The following MPPED1 variants were observed in gnomAD, a reference collection of about 807,000 sequenced individuals.
MPPED1 encodes the protein metallophosphoesterase domain containing 1.
In MPPED1, 16 loss-of-function variants were observed where a neutral mutation model predicts 36.2. That is an observed-to-expected ratio of 0.44 (90% CI 0.30 to 0.67). MPPED1 has a LOEUF of 0.67. Among genes scored for constraint, MPPED1 ranks in the 30% least tolerant of loss-of-function variants. MPPED1 has a pLI of 0.10. For synonymous variants in MPPED1, 199 were observed against 191.3 expected (o/e 1.04, Z -0.33); for missense variants, 307 against 453.4 (o/e 0.68, Z 2.93).
At chr22:43,497,356 C>T (rs1932451677) in intron 4 of MPPED1, among the ~76,000 whole-genome samples, 1 of 151,928 alleles carries the variant, frequency 6.6e-6, no homozygotes, top group Admixed American at 6.6e-5. Flanking sequence ...TTGTGTTGGC[C>T]CGTATAATTG....
At chr22:43,478,383 T>C (rs1055459845) in intron 4 of MPPED1, among the ~76,000 whole-genome samples, 1 of 152,180 alleles carries the variant, frequency 6.6e-6, no homozygotes, top group South Asian at 2.1e-4. Flanking sequence ...GGGGACATGG[T>C]GTGGACAGAC....
intron 3 of MPPED1, among the ~76,000 whole-genome samples, chr22:43,440,834 G>A (rs918900915): frequency 9.2e-5 from 14 of 152,136 alleles, no homozygotes; most frequent in Admixed American, 2.6e-4. Context: ...TCAGCTCTGC[G>A]GCGCCTGATG....
intron 3 of MPPED1, among the ~76,000 whole-genome samples, chr22:43,461,962 A>G (rs1930971983): frequency 6.6e-6 from 1 of 152,200 alleles, no homozygotes; most frequent in South Asian, 2.1e-4. Context: ...TCAGGTGGCA[A>G]CAGTGATGTC....
chr22:43,491,061 C>T (rs1932066643), intron 4 of MPPED1, among the ~76,000 whole-genome samples: 1 of 152,188 alleles, frequency 6.6e-6, no homozygotes, highest in African/African-American at 2.4e-5. Flanking sequence ...TGAAGTATCC[C>T]TTTCCTGGCT....
At chr22:43,419,785 C>T (rs886849506) in intron 1 of MPPED1, among the ~76,000 whole-genome samples, 21 of 152,044 alleles carry the variant, frequency 1.4e-4, no homozygotes, top group African/African-American at 3.9e-4. Flanking sequence ...GTCCTGGAGT[C>T]GGACCTCTTT....
chr22:43,425,981 T>C (rs1260950902), intron 2 of MPPED1, among the ~76,000 whole-genome samples: 4 of 152,154 alleles, frequency 2.6e-5, no homozygotes, highest in African/African-American at 9.7e-5. Context: ...TGTGGGTAGC[T>C]TGGGGTGGCT....
rs917201012 is a variant in MPPED1, at chr22:43,412,136, G to A, written c.-101G>A. ...GCTGCTGCTCGCAGCCGCCGCGGCC[G>A]CCGAAGAGGAGCCCGGGGCCAGGTA... is the stretch of plus-strand genomic sequence containing the variant. On this transcript the variant is annotated 5_prime_UTR_variant, in exon 1 of 7. Transcript: ENST00000443721. 88 of 979,706 alleles carry A rather than the reference G, an allele frequency of 9.0e-5. No homozygotes were observed. Among genetic ancestry groups the A allele is most frequent in the Non-Finnish European group, 9.4e-5 (78 of 827,706 alleles). 60.7% of individuals were successfully genotyped at this position (979,706 alleles called of 1,614,324 possible). A position where few individuals can be genotyped will look rare whatever the true frequency, so the allele number is the denominator to read the frequency against.
At chr22:43,436,346 G>A (rs1929960162) in intron 3 of MPPED1, among the ~76,000 whole-genome samples, 3 of 152,222 alleles carry the variant, frequency 2.0e-5, no homozygotes, top group African/African-American at 4.8e-5. Context: ...CCCCAGGGGC[G>A]TCCCGCTGTG....
At chr22:43,498,653 G>A (rs1932509217) in intron 5 of MPPED1, among the ~76,000 whole-genome samples, 1 of 152,028 alleles carries the variant, frequency 6.6e-6, no homozygotes, top group African/African-American at 2.4e-5. Context: ...CCCAGTCCCG[G>A]GTGCTGAAAA....
intron 4 of MPPED1, among the ~76,000 whole-genome samples, chr22:43,495,644 ATGGT>A (rs1569088907): frequency 2.7e-4 from 2 of 7,432 alleles, no homozygotes; most frequent in Non-Finnish European, 5.1e-4. Flanking sequence ...GGTGGAGGTG[ATGGT>A]GGAGGTAGTG....
chr22:43,412,084 C>G lies in MPPED1; in HGVS notation c.-153C>G. On this transcript the variant is annotated 5_prime_UTR_variant, in exon 1 of 7. Transcript: ENST00000443721. ...CCCCCGCCCCTGCGCGCCTCCCTCC[C>G]GGGAGCCCCTGCCTCCCTCGGTGCG... The G allele has an allele frequency of 1.0e-6, 1 of 979,542 alleles. No individual in the cohort carries two copies. Among genetic ancestry groups the G allele is most frequent in the Non-Finnish European group, 1.2e-6 (1 of 827,622 alleles). The allele number at this position is 979,542 out of a possible 1,614,324, so 60.7% of individuals were successfully genotyped here. A position where few individuals can be genotyped will look rare whatever the true frequency, so the allele number is the denominator to read the frequency against.
chr22:43,457,772 A>G (rs1449664367), intron 3 of MPPED1, among the ~76,000 whole-genome samples: 1 of 152,208 alleles, frequency 6.6e-6, no homozygotes, highest in East Asian at 1.9e-4. Context: ...TAAATATACA[A>G]AAACTGTGCT....
intron 1 of MPPED1, among the ~76,000 whole-genome samples, chr22:43,421,036 T>C (rs915369083): frequency 6.6e-6 from 1 of 152,198 alleles, no homozygotes; most frequent in Non-Finnish European, 1.5e-5. Context: ...ATGACTTGCT[T>C]AAGGTCACTC....
chr22:43,426,497 C>T (rs1929477949), intron 2 of MPPED1, among the ~76,000 whole-genome samples: 1 of 152,154 alleles, frequency 6.6e-6, no homozygotes, highest in African/African-American at 2.4e-5. Flanking sequence ...CCTGGGCCGC[C>T]TCTGGGGCTG....
At chr22:43,435,817 A>G (rs1929939277) in intron 3 of MPPED1, among the ~76,000 whole-genome samples, 1 of 152,236 alleles carries the variant, frequency 6.6e-6, no homozygotes, top group Non-Finnish European at 1.5e-5. Flanking sequence ...AGATCACTCC[A>G]CTGCACTCCA....
At chr22:43,426,389 G>A (rs1929472263) in intron 2 of MPPED1, among the ~76,000 whole-genome samples, 1 of 152,144 alleles carries the variant, frequency 6.6e-6, no homozygotes. Flanking sequence ...ACAGCACAGG[G>A]AGGGGGGAGC....
chr22:43,443,223 C>A (rs553418883), intron 3 of MPPED1, among the ~76,000 whole-genome samples: 1 of 152,172 alleles, frequency 6.6e-6, no homozygotes, highest in Non-Finnish European at 1.5e-5. Context: ...ACAGTGGAGG[C>A]CTGTGGGCCT....
In MPPED1 at chr22:43,503,850, T is replaced by C. The variant is rs1011282449; in HGVS notation, c.862+1093T>C. On this transcript the variant is annotated intron_variant, in intron 6 of 6. Transcript: ENST00000443721. ...CCCCCACACAATTGGACAGGCACAATTGGACTCCAAAGAATAGGTCCTCAC... is the reference window on the plus strand; with the variant it reads ...CCCCCACACAATTGGACAGGCACAACTGGACTCCAAAGAATAGGTCCTCAC... Among the ~76,000 whole-genome samples, 7 of 152,242 alleles carry C rather than the reference T, an allele frequency of 4.6e-5. No individual in the cohort carries two copies. The East Asian group carries it at 7.7e-4, about 17-fold the overall frequency.
chr22:43,468,888 G>A (rs1330379036), intron 3 of MPPED1, among the ~76,000 whole-genome samples: 4 of 152,110 alleles, frequency 2.6e-5, no homozygotes, highest in Non-Finnish European at 5.9e-5. Flanking sequence ...ATGAGGGGAG[G>A]TGGATGAGAA....
Sources: allele counts gnomAD v4.1 joint callset (sites outside exome capture counted in the v4.1 genomes callset), GRCh38; gene constraint gnomAD v4.1.1; transcripts MANE v1.5; gene names NCBI Gene and HGNC (gene_info 2026-07-23, HGNC 2026-07-21).